PFKFB2: variants seen among roughly 807,000 people sequenced by gnomAD.
The protein encoded by PFKFB2 is 6-phosphofructo-2-kinase/fructose-2,6-biphosphatase 2, also known as 6-phosphofructo-2-kinase/fructose-2,6-bisphosphatase 2.
PFKFB2 carries 53 observed loss-of-function variants against 68.0 expected under a neutral mutation model. The observed-to-expected ratio is 0.78, with a 90% CI of 0.63 to 0.98. PFKFB2 has a LOEUF of 0.98. PFKFB2 is among the 50% of genes least tolerant of loss of function. The pLI, the probability that PFKFB2 is intolerant of heterozygous loss-of-function variation, is 0.00. For missense variants in PFKFB2, 451 were observed against 642.0 expected, an observed-to-expected ratio of 0.70 and a Z score of 3.22; for synonymous variants, 222 against 227.6, an observed-to-expected ratio of 0.98 and a Z score of 0.22.
In PFKFB2 at chr1:207,063,274, C is replaced by G; in HGVS notation, c.375+65C>G. The G allele has an allele frequency of 1.3e-6, 2 of 1,582,514 alleles. No homozygotes were observed. The highest frequency in any genetic ancestry group is 1.7e-6 in the Non-Finnish European group (2 of 1,151,268). ...CTTGCAGCAGCCTGGCTACCCAGCC[C>G]CACCTTGAGTCTGCCCTGGTGGGGT... is the stretch of plus-strand genomic sequence containing the variant. On this transcript the variant is annotated intron_variant, in intron 5 of 14. Coordinates refer to ENST00000367080, the MANE Select transcript of PFKFB2 (RefSeq NM_006212.2). The surrounding 1 kb of genome is among the most constrained non-coding windows in gnomAD (Gnocchi z 4.1).
Position 207,076,686 on chromosome 1 carries a change from CTA to C in PFKFB2, c.*4319_*4320del. 1.1e-5 allele frequency: 4 copies of C among 359,014 alleles called. No homozygotes were observed. Among genetic ancestry groups the C allele is most frequent in the Non-Finnish European group, 1.4e-5 (4 of 294,230 alleles). 22.2% of individuals were successfully genotyped at this position (359,014 alleles called of 1,614,324 possible). On this transcript the variant is annotated 3_prime_UTR_variant, in exon 15 of 15. Coordinates refer to ENST00000367080, the MANE Select transcript of PFKFB2 (RefSeq NM_006212.2). ...GCTGACTGACAGACTCTAGTAGTGT[CTA>C]TATGTTGACCAACTGGTAGACCAGG...
In PFKFB2 at chr1:207,054,802, T is replaced by C. The variant is rs1558056631; in HGVS notation, c.85T>C (p.Ser29Pro). The C allele has an allele frequency of 6.2e-7, 1 of 1,609,200 alleles. No individual in the cohort carries two copies. Among genetic ancestry groups the C allele is most frequent in the East Asian group, 2.2e-5 (1 of 44,856 alleles). The change falls in exon 2 of 15, where the codon TCA (serine) becomes CCA (proline). Residue 29 changes from serine (S) to proline (P), a missense_variant and splice_region_variant. Physicochemically the swap from Ser to Pro is moderately conservative, Grantham distance 74. Transcript: ENST00000367080. The part of the protein sequence containing the change: ...PNLRMSEKKC[S>P]WASYMTNSPT... ...TCTTCGAATGTCAGAGAAGAAATGT[T>C]GTGAGTTCTGGCAGAGAGGAGGGAC... is the stretch of plus-strand genomic sequence containing the variant.
upstream of PFKFB2, among the ~76,000 whole-genome samples, chr1:207,051,759 C>T (rs1383348460): frequency 6.6e-6 from 1 of 152,196 alleles, no homozygotes; most frequent in Non-Finnish European, 1.5e-5. Context: ...GTGTGAGACA[C>T]ACAGCCACTG....
chr1:207,075,506 C>T lies in PFKFB2; in HGVS notation c.*3135C>T. ...TCTTACTTGAATGCATGTTGGTAAT[C>T]TGTATACATTACTATGACTGTGTCT... On this transcript the variant is annotated 3_prime_UTR_variant, in exon 15 of 15. Coordinates refer to ENST00000367080, the MANE Select transcript of PFKFB2 (RefSeq NM_006212.2). The T allele has an allele frequency of 2.0e-6, 2 of 985,050 alleles. No homozygotes were observed. Among genetic ancestry groups the T allele is most frequent in the African/African-American group, 1.7e-5 (1 of 57,354 alleles). 61.0% of individuals were successfully genotyped at this position (985,050 alleles called of 1,614,324 possible). A position where few individuals can be genotyped will look rare whatever the true frequency, so the allele number is the denominator to read the frequency against.
chr1:207,037,481 T>G (rs1330201160), intron 1 of PFKFB2, among the ~76,000 whole-genome samples: 1 of 152,220 alleles, frequency 6.6e-6, no homozygotes, highest in Non-Finnish European at 1.5e-5. Context: ...TATCTATAGG[T>G]CAACAAGTCC....
chr1:207,065,795 G>C (rs1012597813), intron 8 of PFKFB2, among the ~76,000 whole-genome samples: 1 of 152,126 alleles, frequency 6.6e-6, no homozygotes, highest in African/African-American at 2.4e-5. Flanking sequence ...CAGCTTCCCT[G>C]GGCTTTGCCC....
chr1:207,076,787 CT>C lies in PFKFB2; in HGVS notation c.*4417del. The C allele has an allele frequency of 1.0e-6, 1 of 975,162 alleles. No homozygotes were observed. Among genetic ancestry groups the C allele is most frequent in the Non-Finnish European group, 1.2e-6 (1 of 825,824 alleles). 60.4% of individuals were successfully genotyped at this position (975,162 alleles called of 1,614,324 possible). A position where few individuals can be genotyped will look rare whatever the true frequency, so the allele number is the denominator to read the frequency against. ...GACTGTAGTAGTGTCTGTGTGCTGACTGATAGATAGACTATAGTAAAATTTG... is the reference window on the plus strand; with the variant it reads ...GACTGTAGTAGTGTCTGTGTGCTGACGATAGATAGACTATAGTAAAATTTG... On this transcript the variant is annotated 3_prime_UTR_variant, in exon 15 of 15. Coordinates refer to ENST00000367080, the MANE Select transcript of PFKFB2 (RefSeq NM_006212.2).
intron 2 of PFKFB2, chr1:207,046,113 G>C (rs1456317745): frequency 6.6e-6 from 1 of 151,958 alleles, no homozygotes; most frequent in Non-Finnish European, 1.5e-5. Context: ...CCAAAGAAAA[G>C]TAAGAGAAAG....
chr1:207,050,833 C>T, upstream of PFKFB2: 2 of 1,613,064 alleles, frequency 1.2e-6, no homozygotes, highest in Admixed American at 1.7e-5. Context: ...GCACCCGGGT[C>T]CGGCTGGACA....
chr1:207,048,382 T>G (rs2102325114), upstream of PFKFB2: 1 of 153,338 alleles, frequency 6.5e-6, no homozygotes, highest in East Asian at 1.9e-4. Context: ...TATCAGTGGT[T>G]AAGCACACAT....
Position 207,063,901 on chromosome 1 carries a change from G to GTGTGTGTGTGTA in PFKFB2, c.507+83_507+84insATGTGTGTGTGT. 1 of 1,024,788 alleles carries GTGTGTGTGTGTA rather than the reference G, an allele frequency of 9.8e-7. No individual in the cohort carries two copies. 63.5% of individuals were successfully genotyped at this position (1,024,788 alleles called of 1,614,324 possible). A position where few individuals can be genotyped will look rare whatever the true frequency, so the allele number is the denominator to read the frequency against. On this transcript the variant is annotated intron_variant, in intron 7 of 14. Transcript: ENST00000367080. The surrounding 1 kb of genome is among the most constrained non-coding windows in gnomAD (Gnocchi z 4.1). ...TGTGTGTTGTGGGGTGTGTGTGTGT[G>GTGTGTGTGTGTA]TGTGTGTGTGTGTGTTGTTGGGGAG...
At chr1:207,058,333 G>A (rs989071866) in intron 2 of PFKFB2, among the ~76,000 whole-genome samples, 2 of 152,256 alleles carry the variant, frequency 1.3e-5, no homozygotes, top group Non-Finnish European at 2.9e-5. Flanking sequence ...GTCCTGAAAA[G>A]GCTGGGAACC....
At chr1:207,048,430 G>A (rs905601645), upstream of PFKFB2, 6 of 153,676 alleles carry the variant, frequency 3.9e-5, no homozygotes, top group African/African-American at 1.4e-4. Context: ...AAATCAGTTT[G>A]GACAATTCTG....
chr1:207,042,094 T>C (rs1490944191), intron 1 of PFKFB2: 3 of 152,202 alleles, frequency 2.0e-5, no homozygotes, highest in Non-Finnish European at 4.4e-5. Flanking sequence ...TAAATCTAAT[T>C]CATCTTTTAT....
intron 2 of PFKFB2, 91 bp from the exon 3 acceptor site, chr1:207,061,862 C>T: frequency 9.0e-7 from 1 of 1,109,920 alleles, no homozygotes; most frequent in Non-Finnish European, 1.4e-6. Context: ...AGCCTGGTGA[C>T]AGAGTGAGAC....
At chr1:207,050,961 G>C (rs780009774), upstream of PFKFB2, 5 of 1,556,078 alleles carry the variant, frequency 3.2e-6, no homozygotes, top group South Asian at 3.5e-5. Flanking sequence ...GCAGCCTGTT[G>C]GGAGACGCCG....
At chr1:207,049,801 T>C, upstream of PFKFB2, 1 of 1,359,102 alleles carries the variant, frequency 7.4e-7, no homozygotes, top group Non-Finnish European at 9.9e-7. Context: ...AGTCTGTAAA[T>C]TACAAACTGA....
At chr1:207,044,371 T>C (rs1682544857) in intron 2 of PFKFB2, 1 of 152,588 alleles carries the variant, frequency 6.6e-6, no homozygotes, top group South Asian at 2.1e-4. Flanking sequence ...ATGGCACCAA[T>C]GTGACTGGAA....
intron 2 of PFKFB2, among the ~76,000 whole-genome samples, chr1:207,059,938 C>T (rs916077630): frequency 9.9e-5 from 15 of 152,216 alleles, no homozygotes; most frequent in African/African-American, 3.6e-4. Flanking sequence ...TTGCAGGGCA[C>T]CTTCTGGGAA....
Sources: allele counts gnomAD v4.1 joint callset (sites outside exome capture counted in the v4.1 genomes callset), GRCh38; gene constraint gnomAD v4.1.1; non-coding constraint Gnocchi (gnomAD v3.1); transcripts MANE v1.5; gene names NCBI Gene and HGNC (gene_info 2026-07-23, HGNC 2026-07-21).